SMARCAD1: variants seen among roughly 807,000 people sequenced by gnomAD.
The protein encoded by SMARCAD1 is SWI/SNF-related matrix-associated actin-dependent regulator of chromatin subfamily A containing DEAD/H box 1.
Under a neutral mutation model 127.1 loss-of-function variants are expected in SMARCAD1, and 25 were observed. The ratio of observed to expected loss-of-function variants is 0.20; its 90% confidence interval spans 0.14 to 0.27. The LOEUF is 0.27. Ranked by LOEUF, SMARCAD1 falls within the 10% of genes least tolerant of loss-of-function variation. SMARCAD1 has a pLI of 1.00. For missense variants in SMARCAD1, 807 were observed against 1,206.0 expected (o/e 0.67, Z 4.90); for synonymous variants, 400 against 396.9 (o/e 1.01, Z -0.09).
Position 94,234,133 on chromosome 4 carries a change from T to C in SMARCAD1, c.537+11T>C. ...AATGATTTACTTAAGGTTATATTCA[T>C]TGGTTATTGTAGCTGTAATGATGAT... is the stretch of plus-strand genomic sequence containing the variant. On this transcript the variant is annotated intron_variant, in intron 4 of 23. Transcript: ENST00000354268. 5.1e-6 allele frequency: 8 copies of C among 1,579,404 alleles called. No homozygotes were observed. The highest frequency in any genetic ancestry group is 6.9e-6 in the Non-Finnish European group (8 of 1,160,044).
chr4:94,271,196 T>C (rs1310228745), intron 11 of SMARCAD1, among the ~76,000 whole-genome samples: 1 of 152,258 alleles, frequency 6.6e-6, no homozygotes, highest in African/African-American at 2.4e-5. Context: ...TACATACATA[T>C]ATGTGCTTTT....
At chr4:94,219,824 T>C (rs1471912151) in intron 2 of SMARCAD1, among the ~76,000 whole-genome samples, 1 of 152,190 alleles carries the variant, frequency 6.6e-6, no homozygotes, top group African/African-American at 2.4e-5. Context: ...CATGGCTACT[T>C]CACTCCTATT....
intron 9 of SMARCAD1, among the ~76,000 whole-genome samples, chr4:94,262,409 T>C (rs1751129017): frequency 6.6e-6 from 1 of 152,142 alleles, no homozygotes. Flanking sequence ...TCTTATCAGT[T>C]TCTCCGTGTC....
At chr4:94,265,520 A>G (rs1412654651) in intron 10 of SMARCAD1, among the ~76,000 whole-genome samples, 2 of 151,698 alleles carry the variant, frequency 1.3e-5, no homozygotes, top group Admixed American at 1.3e-4. Flanking sequence ...AAAAAAAAAT[A>G]CTGTCTAGTG....
intron 9 of SMARCAD1, among the ~76,000 whole-genome samples, chr4:94,254,598 T>C (rs1284259682): frequency 6.6e-6 from 1 of 152,128 alleles, no homozygotes; most frequent in Non-Finnish European, 1.5e-5. Context: ...ATTTGGAGAT[T>C]ATGCATTACT....
rs1190813418 is a variant in SMARCAD1, at chr4:94,276,912, A to G, written c.1945-110A>G. 4.5e-6 allele frequency: 5 copies of G among 1,099,408 alleles called. No homozygotes were observed. In the Admixed American group the frequency reaches 8.1e-5, roughly 18 times the overall value. The allele number at this position is 1,099,408 out of a possible 1,614,324, so 68.1% of individuals were successfully genotyped here. ...TTTATCACAGAATGTTAAATTATTA[A>G]TAATGGTTTTAATTTATCTCTCCTC... On this transcript the variant is annotated intron_variant, in intron 15 of 23. Transcript: ENST00000354268.
At chr4:94,208,312 G>A (rs1741582260) in intron 1 of SMARCAD1, 34 bp from the exon 2 acceptor site, 1 of 1,420,898 alleles carries the variant, frequency 7.0e-7, no homozygotes, top group African/African-American at 1.4e-5. Flanking sequence ...TTGTTTTCAT[G>A]GCCTTTTTTC....
intron 10 of SMARCAD1, among the ~76,000 whole-genome samples, chr4:94,267,249 G>T (rs1490137749): frequency 6.6e-6 from 1 of 152,230 alleles, no homozygotes; most frequent in East Asian, 1.9e-4. Flanking sequence ...TGATGTGAAC[G>T]CAAATTAACA....
Position 94,258,095 on chromosome 4 carries a change from C to T in SMARCAD1, c.1281+5088C>T, listed in dbSNP as rs184384446. Reference sequence around the variant, plus strand: ...GTTTTTCTCTTTATTTTCCTATATACTTGTCATTAGGTCAACTCTAAAGTC... The same window carrying T: ...GTTTTTCTCTTTATTTTCCTATATATTTGTCATTAGGTCAACTCTAAAGTC... On this transcript the variant is annotated intron_variant, in intron 9 of 23. Transcript: ENST00000354268. Among the ~76,000 whole-genome samples the T allele has an allele frequency of 4.7e-5, 7 of 150,474 alleles. No individual in the cohort carries two copies. In the East Asian group the frequency reaches 1.4e-3, roughly 29 times the overall value.
chr4:94,207,955 C>G lies in SMARCAD1; in HGVS notation c.-165C>G, dbSNP rs1741461880. 10 of 358,624 alleles carry G rather than the reference C, an allele frequency of 2.8e-5. No homozygotes were observed. The highest frequency in any genetic ancestry group is 1.0e-3 in the Middle Eastern group (1 of 988). The allele number at this position is 358,624 out of a possible 1,614,324, so 22.2% of individuals were successfully genotyped here. On this transcript the variant is annotated 5_prime_UTR_variant, in exon 1 of 24. Coordinates refer to ENST00000354268, the MANE Select transcript of SMARCAD1 (RefSeq NM_020159.5). The stretch of plus-strand genomic sequence containing the variant: ...TGTCCCCGCAGTGTCGAGGCGCGGG[C>G]CCTGGCAGGTCCTTTCTCGAGGCAG...
chr4:94,277,108 CAT>C lies in SMARCAD1; in HGVS notation c.2032_2033del (p.Met678ValfsTer2). Reference sequence around the variant, plus strand: ...CGCTGTTGAATTTTGTTATGCCACACATGTTTAGTAGTAGCACCAGTGAAATA... The same window carrying C: ...CGCTGTTGAATTTTGTTATGCCACACGTTTAGTAGTAGCACCAGTGAAATA... ...MSLLNFVMPH[M>X]FSSSTSEIRR... On this transcript the variant is annotated frameshift_variant, in exon 16 of 24. Transcript: ENST00000354268. LOFTEE classifies it high-confidence loss of function. The C allele has an allele frequency of 1.2e-6, 2 of 1,614,032 alleles. No homozygotes were observed. Among genetic ancestry groups the C allele is most frequent in the Non-Finnish European group, 1.7e-6 (2 of 1,179,952 alleles).
Position 94,253,021 on chromosome 4 carries a change from C to T in SMARCAD1, c.1281+14C>T. 1 of 1,608,858 alleles carries T rather than the reference C, an allele frequency of 6.2e-7. No individual in the cohort carries two copies. Among genetic ancestry groups the T allele is most frequent in the Non-Finnish European group, 8.5e-7 (1 of 1,179,930 alleles). On this transcript the variant is annotated intron_variant, in intron 9 of 23. Coordinates refer to ENST00000354268, the MANE Select transcript of SMARCAD1 (RefSeq NM_020159.5). ...TGGGAGGCTCTGGTAAGGCTTTATT[C>T]TTTTTTTCCCCTTGTATGTGTGTGT...
intron 19 of SMARCAD1, among the ~76,000 whole-genome samples, chr4:94,279,324 C>T (rs1324728225): frequency 1.3e-5 from 2 of 152,120 alleles, no homozygotes; most frequent in Non-Finnish European, 2.9e-5. Flanking sequence ...TTTTTTTGTA[C>T]GGATGGGGTT....
intron 20 of SMARCAD1, 92 bp downstream of exon 20, chr4:94,280,872 T>C: frequency 2.5e-6 from 3 of 1,218,980 alleles, no homozygotes; most frequent in East Asian, 2.3e-5. Context: ...TGAATTAGCC[T>C]ATGTCTGTTC....
intron 3 of SMARCAD1, among the ~76,000 whole-genome samples, chr4:94,229,877 C>T (rs1279306823): frequency 6.6e-6 from 1 of 151,182 alleles, no homozygotes; most frequent in Admixed American, 6.6e-5. Flanking sequence ...TTCTTTGCCT[C>T]TCATTCTGTT....
At chr4:94,272,725 G>A (rs528212332) in intron 11 of SMARCAD1, among the ~76,000 whole-genome samples, 28 of 152,120 alleles carry the variant, frequency 1.8e-4, no homozygotes, top group South Asian at 1.2e-3. Flanking sequence ...ATGGTAGTCC[G>A]TGGTATAAAT....
intron 3 of SMARCAD1, among the ~76,000 whole-genome samples, chr4:94,226,795 G>A (rs1054377295): frequency 6.6e-6 from 1 of 151,996 alleles, no homozygotes; most frequent in African/African-American, 2.4e-5. Context: ...AAAAGATGTA[G>A]TGTGTCAAAA....
chr4:94,222,945 C>T (rs1003178322), intron 2 of SMARCAD1, among the ~76,000 whole-genome samples: 1 of 151,940 alleles, frequency 6.6e-6, no homozygotes, highest in Non-Finnish European at 1.5e-5. Context: ...GCCTGGGCGA[C>T]AGAGCAAGAC....
In SMARCAD1 at chr4:94,289,527, G is replaced by A; in HGVS notation, c.3074G>A (p.Gly1025Asp). The part of the protein sequence containing the change: ...DIATLLKTSM[G>D]L ...GCCACATTACTAAAAACATCAATGG[G>A]CCTGTGAAATAAGAACTGTGAACTC... Residue 1025 changes from glycine (G) to aspartate (D), a missense_variant, in exon 24 of 24, where the codon GGC (glycine) becomes GAC (aspartate). Physicochemically the swap from Gly to Asp is moderately conservative, Grantham distance 94 (BLOSUM62 -1). Transcript: ENST00000354268. 6.2e-7 allele frequency: 1 copy of A among 1,612,732 alleles called. No individual in the cohort carries two copies. Among genetic ancestry groups the A allele is most frequent in the Non-Finnish European group, 8.5e-7 (1 of 1,178,924 alleles).
Sources: allele counts gnomAD v4.1 joint callset (sites outside exome capture counted in the v4.1 genomes callset), GRCh38; gene constraint gnomAD v4.1.1; transcripts MANE v1.5; gene names NCBI Gene and HGNC (gene_info 2026-07-23, HGNC 2026-07-21).